Variants in CCDC146 observed in about 807,000 individuals in gnomAD.
CCDC146 encodes coiled-coil domain containing 146, also known as coiled-coil domain-containing protein 146.
A neutral mutation model predicts 119.3 loss-of-function variants in CCDC146; 92 were observed. The observed-to-expected ratio is 0.77, with a 90% CI of 0.65 to 0.92. The LOEUF is 0.92. Among genes scored for constraint, CCDC146 ranks in the 40% least tolerant of loss-of-function variants. The pLI is 0.00. For missense variants in CCDC146, 1,000 were observed against 1,103.0 expected (o/e 0.91, Z 1.32); for synonymous variants, 372 against 371.8 (o/e 1.00, Z -0.01).
chr7:77,246,085 A>G (rs1792944530), intron 4 of CCDC146, among the ~76,000 whole-genome samples: 1 of 151,718 alleles, frequency 6.6e-6, no homozygotes, highest in Non-Finnish European at 1.5e-5. Context: ...TGTGACTCTG[A>G]CTCACATTAT....
chr7:77,287,338 T>G, intron 16 of CCDC146, 102 bp from the exon 17 acceptor site: 1 of 1,199,276 alleles, frequency 8.3e-7, no homozygotes, highest in Admixed American at 1.9e-5. Flanking sequence ...TTTCCAGAGG[T>G]ATTTTGTGGG....
intron 14 of CCDC146, 130 bp from the exon 15 acceptor site, chr7:77,282,427 A>T: frequency 1.6e-6 from 1 of 633,700 alleles, no homozygotes; most frequent in Admixed American, 3.0e-5. Flanking sequence ...GCCATTGGTG[A>T]CTATCTGTGA....
intron 2 of CCDC146, among the ~76,000 whole-genome samples, chr7:77,173,712 G>C (rs897460792): frequency 3.3e-4 from 51 of 152,274 alleles, no homozygotes; most frequent in Middle Eastern, 3.4e-3. Flanking sequence ...TAGGACACCT[G>C]CTCCCCAAAT....
At position 77,291,409 on chromosome 7, in the gene CCDC146, T is replaced by TA. The variant is rs199545071; in HGVS notation, c.2416-1530dup. Among the ~76,000 whole-genome samples, 133 of 146,628 alleles carry TA rather than the reference T, an allele frequency of 9.1e-4. 3 individuals are homozygous for TA. In the South Asian group the frequency reaches 0.018, roughly 20 times the overall value. Reference sequence around the variant, plus strand: ...TGCTAAATAGCTGATATTAATAGGTTAAAAAAAAAAAAAGTCTGGTCGCAG... The same window carrying TA: ...TGCTAAATAGCTGATATTAATAGGTTAAAAAAAAAAAAAAGTCTGGTCGCAG... On this transcript the variant is annotated intron_variant, in intron 17 of 18. Coordinates refer to ENST00000285871, the MANE Select transcript of CCDC146 (RefSeq NM_020879.3).
intron 3 of CCDC146, among the ~76,000 whole-genome samples, chr7:77,241,349 G>A (rs1584103939): frequency 1.1e-5 from 1 of 95,188 alleles, no homozygotes; most frequent in African/African-American, 2.7e-5. Flanking sequence ...GAGCCATCGC[G>A]CCCGGCCACG....
chr7:77,251,750 T>C (rs1040932791), intron 4 of CCDC146, among the ~76,000 whole-genome samples: 17 of 152,146 alleles, frequency 1.1e-4, no homozygotes, highest in Non-Finnish European at 7.4e-5. Flanking sequence ...AAAAAGTCTC[T>C]TTTGCTCGCT....
chr7:77,155,999 A>G (rs1228302840), intron 1 of CCDC146, among the ~76,000 whole-genome samples: 1 of 152,104 alleles, frequency 6.6e-6, no homozygotes, highest in Non-Finnish European at 1.5e-5. Context: ...TGCTTGGGGT[A>G]TGGTAGGAAT....
At chr7:77,156,403 C>G (rs1791179684) in intron 1 of CCDC146, among the ~76,000 whole-genome samples, 1 of 151,774 alleles carries the variant, frequency 6.6e-6, no homozygotes, top group South Asian at 2.1e-4. Context: ...TCCTGTAGGA[C>G]TCTTTTCTTT....
At position 77,123,051 on chromosome 7, in the gene CCDC146, TG is replaced by T. The variant is rs1455988184; in HGVS notation, c.-12+320del. On this transcript the variant is annotated intron_variant, in intron 1 of 18. Transcript: ENST00000285871. ...CTTGCCTTGCCTCAAAGGGTTTTTGTGAGGATCAAGTAAGAAAATGGATGGG... is the reference window on the plus strand; with the variant it reads ...CTTGCCTTGCCTCAAAGGGTTTTTGTAGGATCAAGTAAGAAAATGGATGGG... Among the ~76,000 whole-genome samples, 6 of 143,230 alleles carry T rather than the reference TG, an allele frequency of 4.2e-5. No homozygotes were observed. In the East Asian group the frequency reaches 1.2e-3, roughly 29 times the overall value. The allele number at this position is 143,230 out of a possible 152,430, so 94.0% of individuals were successfully genotyped here.
At chr7:77,173,703 AGGACACCTGCTCCCCAAATT>A (rs1419227980) in intron 2 of CCDC146, among the ~76,000 whole-genome samples, 1 of 152,210 alleles carries the variant, frequency 6.6e-6, no homozygotes, top group Non-Finnish European at 1.5e-5. Flanking sequence ...GGGTTAATGT[AGGACACCTGCTCCCCAAATT>A]GGCCATTGCT....
chr7:77,271,120 T>C (rs1333531579), intron 9 of CCDC146, among the ~76,000 whole-genome samples: 1 of 151,796 alleles, frequency 6.6e-6, no homozygotes, highest in African/African-American at 2.4e-5. Flanking sequence ...TTGATTGGCT[T>C]GAAGGATACA....
At chr7:77,189,986 T>G (rs984588120) in intron 2 of CCDC146, among the ~76,000 whole-genome samples, 1 of 152,208 alleles carries the variant, frequency 6.6e-6, no homozygotes, top group African/African-American at 2.4e-5. Flanking sequence ...ATTTACCATA[T>G]ATTTGTCTCT....
chr7:77,230,502 G>GTA (rs752942877), intron 2 of CCDC146, among the ~76,000 whole-genome samples: 3,905 of 151,884 alleles, frequency 0.026, 147 homozygotes, highest in African/African-American at 0.089. Flanking sequence ...GTATGTGTGT[G>GTA]TGTGTGTGTG....
intron 9 of CCDC146, 111 bp from the exon 10 acceptor site, chr7:77,273,583 C>T (rs140617541): frequency 4.2e-5 from 24 of 575,256 alleles, no homozygotes; most frequent in African/African-American, 2.5e-4. Flanking sequence ...TGCAGTGGCA[C>T]GATCTCAGCT....
chr7:77,216,383 G>A (rs1792302656), intron 2 of CCDC146, among the ~76,000 whole-genome samples: 1 of 152,080 alleles, frequency 6.6e-6, no homozygotes, highest in Non-Finnish European at 1.5e-5. Context: ...TATGCCATCA[G>A]CAAGATTATG....
chr7:77,241,821 A>G lies in CCDC146; in HGVS notation c.370A>G (p.Arg124Gly). 1 of 1,614,060 alleles carries G rather than the reference A, an allele frequency of 6.2e-7. No homozygotes were observed. The highest frequency in any genetic ancestry group is 1.7e-5 in the Admixed American group (1 of 60,026). Residue 124 changes from arginine (R) to glycine (G), a missense_variant, in exon 4 of 19, where the codon AGA (arginine) becomes GGA (glycine). Arg to Gly is a moderately radical substitution (Grantham distance 125). Around this residue, in one of 2 missense-constraint regions of CCDC146, gnomAD observed 985 missense variants for 1,045.3 expected, o/e 0.94. Coordinates refer to ENST00000285871, the MANE Select transcript of CCDC146 (RefSeq NM_020879.3). ...ATTCTCCACGGAGGTCTCCAAAATG[A>G]GAGAACAACTTCTCAAGTATCAAAA... ...EAFSTEVSKM[R>G]EQLLKYQNEY... is the part of the protein sequence containing the mutation.
intron 2 of CCDC146, among the ~76,000 whole-genome samples, chr7:77,223,367 C>A (rs1792442362): frequency 1.3e-5 from 2 of 152,240 alleles, no homozygotes; most frequent in Non-Finnish European, 2.9e-5. Flanking sequence ...TACTCACCCA[C>A]CTTGCCCATC....
intron 2 of CCDC146, among the ~76,000 whole-genome samples, chr7:77,182,079 C>G (rs889753922): frequency 6.6e-6 from 1 of 152,062 alleles, no homozygotes; most frequent in African/African-American, 2.4e-5. Context: ...CAGGTGGAGG[C>G]AAACAGATAC....
chr7:77,293,175 C>T lies in CCDC146; in HGVS notation c.2639C>T (p.Ala880Val). 1 of 1,614,016 alleles carries T rather than the reference C, an allele frequency of 6.2e-7. No individual in the cohort carries two copies. Among genetic ancestry groups the T allele is most frequent in the Non-Finnish European group, 8.5e-7 (1 of 1,180,014 alleles). The change falls in exon 18 of 19, where the codon GCC becomes GTC. Residue 880 changes from alanine (A) to valine (V), a missense_variant. Ala to Val is a moderately conservative substitution (Grantham distance 64). Transcript: ENST00000285871. ...GTCCTTCGAGATGAAGAAATGCACG[C>T]CTTGGCCATCGCTGAAAAGTCTCAG... ...LKVLRDEEMHALAIAEKSQEF... is the reference protein window; with the variant it reads ...LKVLRDEEMHVLAIAEKSQEF...
Sources: gnomAD v4.1 joint callset for allele counts (sites outside exome capture counted in the v4.1 genomes callset) on GRCh38, gnomAD v4.1.1 for gene constraint, gnomAD v4.1.1 regional missense constraint, MANE v1.5 for transcripts, NCBI Gene and HGNC (gene_info 2026-07-23, HGNC 2026-07-21) for gene names.